Variants in EEF2 observed in about 807,000 individuals in gnomAD.
The protein encoded by EEF2 is elongation factor 2.
In EEF2, 21 loss-of-function variants were observed where a neutral mutation model predicts 85.3. The ratio of observed to expected loss-of-function variants is 0.25; its 90% CI spans 0.17 to 0.35. The LOEUF (loss-of-function observed/expected upper bound fraction) is 0.35, where lower values mean the gene tolerates loss of function less well. EEF2 is among the 10% of genes least tolerant of loss of function. The pLI, the probability that EEF2 is intolerant of heterozygous loss-of-function variation, is 1.00. For missense variants in EEF2, 825 were observed against 1,225.3 expected (o/e 0.67, Z 4.88); for synonymous variants, 723 against 508.8 (o/e 1.42, Z -5.67).
intron 2 of EEF2, 53 bp downstream of exon 2, chr19:3,984,083 A>G: frequency 6.3e-7 from 1 of 1,592,160 alleles, no homozygotes; most frequent in Non-Finnish European, 8.6e-7. Flanking sequence ...AGTGGCCTCC[A>G]GCTGCCAGGC....
chr19:3,983,269 G>C lies in EEF2; in HGVS notation c.241C>G (p.Leu81Val). 2 of 1,613,748 alleles carry C rather than the reference G, an allele frequency of 1.2e-6. No homozygotes were observed. The highest frequency in any genetic ancestry group is 8.5e-7 in the Non-Finnish European group (1 of 1,179,884). The change falls in exon 3 of 15, where the codon CTC becomes GTC. Residue 81 changes from leucine (L) to valine (V), a missense_variant. Leu to Val is a conservative substitution (Grantham distance 32, BLOSUM62 1). Transcript: ENST00000309311. ...ATGAAGTTCAAGTCATTCTCCGAGAGCTCGTAGAAGAGGGAGATGGCACTG... is the reference window on the plus strand; with the variant it reads ...ATGAAGTTCAAGTCATTCTCCGAGACCTCGTAGAAGAGGGAGATGGCACTG... ...KSTAISLFYE[L>V]SENDLNFIKQ... is the part of the protein sequence containing the mutation.
rs753413217 is a variant in EEF2 at position 3,979,910 on chromosome 19, G to A, written c.1503C>T (p.Val501=). Residue 501 remains valine, a synonymous_variant, in exon 10 of 15, where the codon GTC becomes GTT. Coordinates refer to ENST00000309311, the MANE Select transcript of EEF2 (RefSeq NM_001961.4). ...CCACGGCCACTCTGACAACAGGGCT[G>A]ACGCTGAACTTCATCACCCGCATGT... ...AHNMRVMKFS[V]SPVVRVAVEA... 2 of 1,613,918 alleles carry A rather than the reference G, an allele frequency of 1.2e-6. No homozygotes were observed. Among genetic ancestry groups the A allele is most frequent in the African/African-American group, 1.3e-5 (1 of 75,076 alleles).
chr19:3,978,205 GGAGA>G, intron 11 of EEF2, 33 bp from the exon 12 acceptor site: 1 of 1,429,076 alleles, frequency 7.0e-7, no homozygotes, highest in Non-Finnish European at 9.2e-7. Context: ...ACTCTTGCCT[GGAGA>G]AAGAGGTGAC....
chr19:3,982,133 T>C, intron 5 of EEF2, 81 bp from the exon 6 acceptor site: 1 of 1,599,570 alleles, frequency 6.3e-7, no homozygotes, highest in Non-Finnish European at 8.6e-7. Flanking sequence ...GGGGACATGC[T>C]TGGGCAAGAC....
chr19:3,982,672 T>A, intron 4 of EEF2, 135 bp downstream of exon 4: 9 of 1,160,914 alleles, frequency 7.8e-6, no homozygotes, highest in Non-Finnish European at 1.1e-5. Context: ...ATGAAAACAT[T>A]CCAGCCCCCT....
In EEF2 at chr19:3,978,127, ACT is replaced by A; in HGVS notation, c.1757_1758del (p.Glu586ValfsTer33). 6.7e-7 allele frequency: 1 copy of A among 1,485,898 alleles called. No homozygotes were observed. Among genetic ancestry groups the A allele is most frequent in the Non-Finnish European group, 9.0e-7 (1 of 1,110,112 alleles). The allele number at this position is 1,485,898 out of a possible 1,614,324, so 92.0% of individuals were successfully genotyped here. A position where few individuals can be genotyped will look rare whatever the true frequency, so the allele number is the denominator to read the frequency against. ...GACTTGGAGAGGCAGAGCACGTTCGACTCTTCACTGACCGTCTCGCGGTACGA... is the reference window on the plus strand; with the variant it reads ...GACTTGGAGAGGCAGAGCACGTTCGACTTCACTGACCGTCTCGCGGTACGA... ...VVSYRETVSEESNVLCLSKSP... is the reference protein window; with the variant it reads ...VVSYRETVSEXSNVLCLSKSP... On this transcript the variant is annotated frameshift_variant, in exon 12 of 15. Coordinates refer to ENST00000309311, the MANE Select transcript of EEF2 (RefSeq NM_001961.4). LOFTEE classifies it high-confidence loss of function.
In EEF2 at chr19:3,979,803, C is replaced by A; in HGVS notation, c.1605+5G>T. ...CTGCTCCCAGCAGGTGCACTCCGTG[C>A]CCACCTGCACCATGGGGTCGGACTT... is the stretch of plus-strand genomic sequence containing the variant. On this transcript the variant is annotated splice_donor_5th_base_variant and intron_variant, in intron 10 of 14. Coordinates refer to ENST00000309311, the MANE Select transcript of EEF2 (RefSeq NM_001961.4). 1 of 1,609,540 alleles carries A rather than the reference C, an allele frequency of 6.2e-7. No homozygotes were observed. The highest frequency in any genetic ancestry group is 1.1e-5 in the South Asian group (1 of 91,002).
At position 3,979,859 on chromosome 19, in the gene EEF2, G is replaced by A. The variant is rs1195840197; in HGVS notation, c.1554C>T (p.Pro518=). 1 of 1,613,688 alleles carries A rather than the reference G, an allele frequency of 6.2e-7. No individual in the cohort carries two copies. The highest frequency in any genetic ancestry group is 8.5e-7 in the Non-Finnish European group (1 of 1,180,046). Residue 518 remains proline, a synonymous_variant, in exon 10 of 15, where the codon CCC becomes CCT. Transcript: ENST00000309311. ...AVEAKNPADL[P]KLVEGLKRLA... is the part of the protein sequence containing the mutation. ...GCCGCTTCAGCCCCTCCACCAGCTT[G>A]GGCAGGTCAGCCGGGTTCTTGGCCT...
rs1443563941 is a variant in EEF2, at chr19:3,976,659, G to A, written c.2472C>T (p.Pro824=). 15 of 1,609,228 alleles carry A rather than the reference G, an allele frequency of 9.3e-6. No homozygotes were observed. Among genetic ancestry groups the A allele is most frequent in the Admixed American group, 5.0e-5 (3 of 59,498 alleles). Reference sequence around the variant, plus strand: ...GGCTGGGGCGGCTGCTGTTGTCGAAGGGGTCTCCGGGCAGGATCTGCCAGT... The same window carrying A: ...GGCTGGGGCGGCTGCTGTTGTCGAAAGGGTCTCCGGGCAGGATCTGCCAGT... ...FDHWQILPGD[P]FDNSSRPSQV... The change falls in exon 15 of 15, where the codon CCC becomes CCT. Residue 824 remains proline, a synonymous_variant. Coordinates refer to ENST00000309311, the MANE Select transcript of EEF2 (RefSeq NM_001961.4).
In EEF2 at chr19:3,981,444, A is replaced by G. The variant is rs11544965; in HGVS notation, c.906T>C (p.Asp302=). The change falls in exon 7 of 15, where the codon GAT becomes GAC. Residue 302 remains aspartate (D), a synonymous_variant. Coordinates refer to ENST00000309311, the MANE Select transcript of EEF2 (RefSeq NM_001961.4). ...CCTCTTTCTTGAAATTCATGATCGC[A>G]TCAAACACCTACATTCCCCACCAAG... ...LILDPIFKVF[D]AIMNFKKEET... 2.7e-3 allele frequency: 4,291 copies of G among 1,613,770 alleles called. 115 individuals are homozygous for G. The African/African-American group carries it at 0.052, about 19-fold the overall frequency.
In EEF2 at chr19:3,984,734, G is replaced by C. The variant is rs1191895509; in HGVS notation, c.4-384C>G. On this transcript the variant is annotated intron_variant, in intron 1 of 14. Coordinates refer to ENST00000309311, the MANE Select transcript of EEF2 (RefSeq NM_001961.4). ...CCACCCAAACTTCCCCGAGCAAGAAGCTTCATCATAAAATGCAAGGTCACC... is the reference window on the plus strand; with the variant it reads ...CCACCCAAACTTCCCCGAGCAAGAACCTTCATCATAAAATGCAAGGTCACC... 6 of 222,316 alleles carry C rather than the reference G, an allele frequency of 2.7e-5. No homozygotes were observed. The East Asian group carries it at 3.5e-4, about 13-fold the overall frequency. The allele number at this position is 222,316 out of a possible 1,614,324, so 13.8% of individuals were successfully genotyped here. A position where few individuals can be genotyped will look rare whatever the true frequency, so the allele number is the denominator to read the frequency against.
At position 3,979,967 on chromosome 19, in the gene EEF2, C is replaced by A. The variant is rs748267250; in HGVS notation, c.1446G>T (p.Thr482=). 2 of 1,613,944 alleles carry A rather than the reference C, an allele frequency of 1.2e-6. No homozygotes were observed. Among genetic ancestry groups the A allele is most frequent in the Admixed American group, 1.7e-5 (1 of 60,030 alleles). Reference sequence around the variant, plus strand: ...CGTGCTCGAAGGTGGTGATGGTGCCCGTCTTCACCAGGAACTGGTCCACGC... The same window carrying A: ...CGTGCTCGAAGGTGGTGATGGTGCCAGTCTTCACCAGGAACTGGTCCACGC... ...LVGVDQFLVK[T]GTITTFEHAH... is the part of the protein sequence containing the mutation. Residue 482 remains threonine (T), a synonymous_variant, in exon 10 of 15, where the codon ACG becomes ACT. Coordinates refer to ENST00000309311, the MANE Select transcript of EEF2 (RefSeq NM_001961.4).
intron 11 of EEF2, 81 bp downstream of exon 11, chr19:3,979,248 G>A (rs1456674480): frequency 5.4e-6 from 6 of 1,120,210 alleles, no homozygotes; most frequent in East Asian, 2.4e-5. Context: ...GGCGTCTGCA[G>A]AGCCTAGCTC....
Position 3,982,236 on chromosome 19 carries a change from C to T in EEF2, c.791+10G>A, listed in dbSNP as rs749375481. 22 of 1,613,294 alleles carry T rather than the reference C, an allele frequency of 1.4e-5. No individual in the cohort carries two copies. In the African/African-American group the frequency reaches 1.5e-4, roughly 11 times the overall value. ...GTCAGGAATCCCCCACCATATCCCG[C>T]GGGGCTCACCTGTCACCCCACAGCT... On this transcript the variant is annotated intron_variant, in intron 5 of 14. Transcript: ENST00000309311.
At chr19:3,982,786 C>G in intron 4 of EEF2, 21 bp downstream of exon 4, 1 of 1,600,032 alleles carries the variant, frequency 6.2e-7, no homozygotes, top group Non-Finnish European at 8.5e-7. Flanking sequence ...AAGCCCACCA[C>G]CCAGCTAGGG....
chr19:3,980,445 GCC>G, intron 9 of EEF2, 67 bp downstream of exon 9: 1 of 1,526,974 alleles, frequency 6.5e-7, no homozygotes, highest in Non-Finnish European at 8.8e-7. Context: ...CGACTGAGGA[GCC>G]CAAGACTTGG....
In EEF2 at chr19:3,980,720, G is replaced by A. The variant is rs757216029; in HGVS notation, c.1151-11C>T. On this transcript the variant is annotated splice_polypyrimidine_tract_variant and intron_variant, in intron 8 of 14. Coordinates refer to ENST00000309311, the MANE Select transcript of EEF2 (RefSeq NM_001961.4). ...CACAGCTTTTAATGCCTGAGGGACAGAGAAAACCCGCAAGCTTTATTCCAG... is the reference window on the plus strand; with the variant it reads ...CACAGCTTTTAATGCCTGAGGGACAAAGAAAACCCGCAAGCTTTATTCCAG... The A allele has an allele frequency of 1.9e-6, 3 of 1,611,026 alleles. No individual in the cohort carries two copies. The highest frequency in any genetic ancestry group is 2.2e-5 in the East Asian group (1 of 44,786).
chr19:3,976,799 G>A (rs2039684878), intron 14 of EEF2, 52 bp from the exon 15 acceptor site: 3 of 1,466,548 alleles, frequency 2.0e-6, no homozygotes, highest in Non-Finnish European at 1.8e-6. Flanking sequence ...TGGCAGGGCA[G>A]AAGGAAAGTC....
chr19:3,982,577 G>GCT, intron 4 of EEF2, 153 bp from the exon 5 acceptor site: 1 of 1,154,866 alleles, frequency 8.7e-7, no homozygotes, highest in Non-Finnish European at 1.3e-6. Context: ...ACGAATAGGG[G>GCT]GGCCAGCCCC....
Sources: gnomAD v4.1 joint callset for allele counts on GRCh38, gnomAD v4.1.1 for gene constraint, MANE v1.5 for transcripts, NCBI Gene and HGNC (gene_info 2026-07-23, HGNC 2026-07-21) for gene names.